The following CD1B variants were observed in gnomAD, a reference collection of about 807,000 sequenced individuals.
CD1B encodes CD1b molecule.
A neutral mutation model predicts 39.8 loss-of-function variants in CD1B; 43 were observed. That is an observed-to-expected ratio of 1.08 (90% CI 0.85 to 1.39). The LOEUF (loss-of-function observed/expected upper bound fraction) is 1.39, where lower values mean the gene tolerates loss of function less well. CD1B is among the 40% of genes most tolerant of loss of function. The pLI is 0.00. For synonymous variants in CD1B, 192 were observed against 152.5 expected, an observed-to-expected ratio of 1.26 and a Z score of -1.91; for missense variants, 495 against 403.8, an observed-to-expected ratio of 1.23 and a Z score of -1.94.
In CD1B at chr1:158,329,895, G is replaced by A. The variant is rs767385309; in HGVS notation, c.564C>T (p.Leu188=). 3 of 1,614,150 alleles carry A rather than the reference G, an allele frequency of 1.9e-6. No homozygotes were observed. The South Asian group carries it at 3.3e-5, about 18-fold the overall frequency. ...CTTTTCCTGCATTGAGGACGCCCAAGAGATATCGGGGGCAGGTTTCATAGA... is the reference window on the plus strand; with the variant it reads ...CTTTTCCTGCATTGAGGACGCCCAAAAGATATCGGGGGCAGGTTTCATAGA... ...ILLYETCPRY[L]LGVLNAGKAD... is the part of the protein sequence containing the mutation. The change falls in exon 3 of 6, where the codon CTC becomes CTT. Residue 188 remains leucine (L), a synonymous_variant. Transcript: ENST00000368168.
the CD1B span, among the ~76,000 whole-genome samples, chr1:158,296,324 G>A: frequency 6.6e-6 from 1 of 152,160 alleles, no homozygotes; most frequent in East Asian, 1.9e-4. Context: ...TATAGCCCAG[G>A]AGTGCTGAGC....
Position 158,328,915 on chromosome 1 carries a change from A to G in CD1B, c.980+6T>C, listed in dbSNP as rs1652467056. On this transcript the variant is annotated splice_donor_region_variant and intron_variant, in intron 5 of 5. Coordinates refer to ENST00000368168, the MANE Select transcript of CD1B (RefSeq NM_001764.3). ...AAAAAAAAAAACAACACCACCCACA[A>G]CTCACCGGCGCCTCATATACCATAA... 6.3e-7 allele frequency: 1 copy of G among 1,593,156 alleles called. No homozygotes were observed. Among genetic ancestry groups the G allele is most frequent in the Non-Finnish European group, 8.5e-7 (1 of 1,171,934 alleles).
rs772882112 is a variant in CD1B, at chr1:158,331,390, G to C, written c.34C>G (p.Leu12Val). The change falls in exon 1 of 6, where the codon CTC becomes GTC. Residue 12 changes from leucine (L) to valine (V), a missense_variant. Physicochemically the swap from Leu to Val is conservative, Grantham distance 32. Coordinates refer to ENST00000368168, the MANE Select transcript of CD1B (RefSeq NM_001764.3). ...TGTTCACTGTTACCACCAGGAAAGA[G>C]AACAGCTAACAGTTGAAATGGCAGC... ...LLLPFQLLAV[L>V]FPGGNSEHAF... The C allele has an allele frequency of 6.2e-7, 1 of 1,614,054 alleles. No homozygotes were observed. The highest frequency in any genetic ancestry group is 1.7e-5 in the Admixed American group (1 of 60,022).
chr1:158,292,923 G>C, the CD1B span: 2 of 1,581,628 alleles, frequency 1.3e-6, no homozygotes, highest in Non-Finnish European at 1.7e-6. Flanking sequence ...GAGCCTAGAG[G>C]TTAGGGGAGA....
chr1:158,289,989 G>A, the CD1B span: 6 of 1,348,074 alleles, frequency 4.5e-6, no homozygotes, highest in African/African-American at 4.3e-5. Context: ...CAGAATATAG[G>A]TACAGAGGGA....
the CD1B span, among the ~76,000 whole-genome samples, chr1:158,286,267 T>C: frequency 6.6e-6 from 1 of 152,166 alleles, no homozygotes. Flanking sequence ...GGATTTTGTG[T>C]GTTCAGAGAG....
chr1:158,325,597 A>G (rs1266929642), downstream of CD1B, among the ~76,000 whole-genome samples: 1 of 152,086 alleles, frequency 6.6e-6, no homozygotes, highest in African/African-American at 2.4e-5. Context: ...ATTAGTTTTT[A>G]CTTCTAAGAT....
At chr1:158,322,395 G>C in the CD1B span, among the ~76,000 whole-genome samples, 1 of 150,896 alleles carries the variant, frequency 6.6e-6, no homozygotes, top group Admixed American at 6.6e-5. Context: ...AGCCACCATG[G>C]CTGGCTATTT....
At chr1:158,302,335 G>T in the CD1B span, among the ~76,000 whole-genome samples, 121 of 152,100 alleles carry the variant, frequency 8.0e-4, no homozygotes, top group Admixed American at 3.5e-3. Flanking sequence ...ACATCAAAAA[G>T]TTAGAAAGAT....
chr1:158,290,169 A>G, the CD1B span: 7 of 1,569,826 alleles, frequency 4.5e-6, no homozygotes, highest in Non-Finnish European at 5.3e-6. Context: ...GTATCTGGGT[A>G]GAGTGTGCTG....
the CD1B span, among the ~76,000 whole-genome samples, chr1:158,318,624 C>T: frequency 9.9e-5 from 15 of 152,084 alleles, no homozygotes; most frequent in African/African-American, 3.1e-4. Flanking sequence ...TCCAATTTGC[C>T]AGTCTGTGTC....
chr1:158,307,420 T>C, the CD1B span, among the ~76,000 whole-genome samples: 1 of 151,632 alleles, frequency 6.6e-6, no homozygotes, highest in African/African-American at 2.4e-5. Context: ...AATAACAGGC[T>C]CTGAAATTGA....
the CD1B span, among the ~76,000 whole-genome samples, chr1:158,299,183 G>T: frequency 5.3e-5 from 8 of 152,200 alleles, no homozygotes; most frequent in Middle Eastern, 3.4e-3. Context: ...TTTGAGATAT[G>T]TTCCATCAAT....
At chr1:158,305,388 A>T in the CD1B span, among the ~76,000 whole-genome samples, 1 of 152,198 alleles carries the variant, frequency 6.6e-6, no homozygotes, top group African/African-American at 2.4e-5. Flanking sequence ...ACGAAAAAGA[A>T]TAAAAAGAAA....
At chr1:158,317,536 T>C in the CD1B span, among the ~76,000 whole-genome samples, 1 of 152,194 alleles carries the variant, frequency 6.6e-6, no homozygotes, top group African/African-American at 2.4e-5. Flanking sequence ...TTATTGTGTC[T>C]ATTTGATTCT....
the CD1B span, among the ~76,000 whole-genome samples, chr1:158,315,521 A>G: frequency 2.0e-5 from 3 of 151,286 alleles, no homozygotes; most frequent in African/African-American, 7.3e-5. Flanking sequence ...TTTTTCTTGT[A>G]AATTTGTTTG....
the CD1B span, among the ~76,000 whole-genome samples, chr1:158,297,307 T>A: frequency 2.0e-5 from 3 of 152,264 alleles, no homozygotes; most frequent in South Asian, 6.2e-4. Context: ...TTCAGCATTG[T>A]TAAAGAAAAG....
chr1:158,319,467 G>T, the CD1B span, among the ~76,000 whole-genome samples: 1 of 152,082 alleles, frequency 6.6e-6, no homozygotes, highest in Non-Finnish European at 1.5e-5. Flanking sequence ...AGCTCCTGAG[G>T]CTTCTGCATT....
chr1:158,318,791 G>A, the CD1B span, among the ~76,000 whole-genome samples: 10 of 152,170 alleles, frequency 6.6e-5, no homozygotes, highest in African/African-American at 2.2e-4. Context: ...TGATTTTGCA[G>A]CAGCTTGTAC....
Sources: gnomAD v4.1 joint callset for allele counts (sites outside exome capture counted in the v4.1 genomes callset) on GRCh38, gnomAD v4.1.1 for gene constraint, MANE v1.5 for transcripts, NCBI Gene and HGNC (gene_info 2026-07-23, HGNC 2026-07-21) for gene names.